The following IRF9 variants were observed in gnomAD, a reference collection of about 807,000 sequenced individuals.
IRF9 encodes the protein interferon regulatory factor 9.
In IRF9, 13 loss-of-function variants were observed where a neutral mutation model predicts 44.1. That is an observed-to-expected ratio of 0.29 (90% confidence interval 0.19 to 0.47). The LOEUF is 0.47. Ranked by LOEUF, IRF9 falls within the 20% of genes least tolerant of loss-of-function variation. IRF9 has a pLI of 1.00. For synonymous variants in IRF9, 189 were observed against 188.5 expected (o/e 1.00, Z -0.02); for missense variants, 373 against 496.1 (o/e 0.75, Z 2.36).
Position 24,164,842 on chromosome 14 carries a change from T to C in IRF9, c.878T>C (p.Leu293Pro). 1 of 1,610,428 alleles carries C rather than the reference T, an allele frequency of 6.2e-7. No individual in the cohort carries two copies. ...CCCCGAGGCCTCTTCGTGCAGCGCC[T>C]TTGCCCCATCCCCATCTCCTGGAAT... The part of the protein sequence containing the change: ...SNPRGLFVQR[L>P]CPIPISWNAP... Residue 293 changes from leucine (L) to proline (P), a missense_variant, in exon 7 of 9, where the codon CTT becomes CCT. This residue lies in a region of IRF9 where 146 missense variants were observed against 240.8 expected (regional missense o/e 0.61). Transcript: ENST00000396864. This position sits in a 1 kb window ranked among gnomAD's most constrained non-coding sequence, Gnocchi z 5.2.
chr14:24,162,082 C>G (rs2038463865), intron 1 of IRF9, 62 bp from the exon 2 acceptor site: 3 of 1,513,428 alleles, frequency 2.0e-6, no homozygotes, highest in Non-Finnish European at 2.7e-6. Context: ...TGGCCAGGGT[C>G]TCAGGAGATG....
chr14:24,165,994 T>A (rs1330231214), intron 8 of IRF9, 32 bp downstream of exon 8: 12 of 1,595,222 alleles, frequency 7.5e-6, no homozygotes, highest in Non-Finnish European at 9.5e-6. Context: ...AGTACCCATC[T>A]AATGAGAGCA....
At chr14:24,161,448 G>A (rs1258037819) in intron 1 of IRF9, 110 bp downstream of exon 1, 1 of 152,578 alleles carries the variant, frequency 6.6e-6, no homozygotes, top group African/African-American at 2.4e-5. Context: ...GGGATAGACA[G>A]AAGATCTCTT....
intron 2 of IRF9, 186 bp downstream of exon 2, chr14:24,162,510 T>C (rs922821178): frequency 1.6e-6 from 1 of 625,968 alleles, no homozygotes; most frequent in African/African-American, 1.9e-5. Context: ...TCAAAAATTT[T>C]AGGGATATTG....
In IRF9 at chr14:24,161,342, A is replaced by T. The variant is rs1189296855; in HGVS notation, c.-2+4A>T. On this transcript the variant is annotated splice_donor_region_variant and intron_variant, in intron 1 of 8. Transcript: ENST00000396864. Reference sequence around the variant, plus strand: ...GACAGCCTGGACAGCAACTCAGGTAAGATCAGCCAAGGATGGGAGTCAGCC... The same window carrying T: ...GACAGCCTGGACAGCAACTCAGGTATGATCAGCCAAGGATGGGAGTCAGCC... The T allele has an allele frequency of 6.6e-6, 1 of 152,372 alleles. No individual in the cohort carries two copies. The highest frequency in any genetic ancestry group is 6.5e-5 in the Admixed American group (1 of 15,280). 9.4% of individuals were successfully genotyped at this position (152,372 alleles called of 1,614,324 possible). A position where few individuals can be genotyped will look rare whatever the true frequency, so the allele number is the denominator to read the frequency against.
rs201638725 is a variant in IRF9 at position 24,162,296 on chromosome 14, G to T, written c.152G>T (p.Arg51Leu). ...AAACATGCAGGCAAGCAGGACTTCCGGGAGGACCAGGATGCTGCCTTCTTC... is the reference window on the plus strand; with the variant it reads ...AAACATGCAGGCAAGCAGGACTTCCTGGAGGACCAGGATGCTGCCTTCTTC... ...PWKHAGKQDF[R>L]EDQDAAFFKA... The change falls in exon 2 of 9, where the codon CGG becomes CTG. Residue 51 changes from arginine to leucine, a missense_variant. Coordinates refer to ENST00000396864, the MANE Select transcript of IRF9 (RefSeq NM_006084.5). The T allele has an allele frequency of 1.2e-6, 2 of 1,613,944 alleles. No homozygotes were observed. Among genetic ancestry groups the T allele is most frequent in the African/African-American group, 2.7e-5 (2 of 74,900 alleles).
At position 24,166,380 on chromosome 14, in the gene IRF9, CT is replaced by C. The variant is rs111232493; in HGVS notation, c.*196del. ...GAGAACTCAAGGCTAATTTTTTATC[CT>C]TTTTTTTTTTTAATTTTGAGATATA... On this transcript the variant is annotated 3_prime_UTR_variant, in exon 9 of 9. Transcript: ENST00000396864. 0.052 allele frequency: 25,975 copies of C among 500,888 alleles called. No homozygotes were observed. The highest frequency in any genetic ancestry group is 0.071 in the Middle Eastern group (196 of 2,778). The allele number at this position is 500,888 out of a possible 1,614,324, so 31.0% of individuals were successfully genotyped here.
intron 7 of IRF9, chr14:24,165,323 G>C: frequency 1.5e-6 from 1 of 650,640 alleles, no homozygotes. Flanking sequence ...ACATTTGGGA[G>C]AGCTGGCACA....
Position 24,162,343 on chromosome 14 carries a change from C to T in IRF9, c.180+19C>T. 1 of 1,609,332 alleles carries T rather than the reference C, an allele frequency of 6.2e-7. No individual in the cohort carries two copies. The highest frequency in any genetic ancestry group is 8.5e-7 in the Non-Finnish European group (1 of 1,177,162). On this transcript the variant is annotated intron_variant, in intron 2 of 8. Transcript: ENST00000396864. ...CTTCAAGGTGAAAGGGCCTGGAAAC[C>T]ACTGTTCCTCTGTGTGTGGGATGGT...
At chr14:24,162,455 A>G in intron 2 of IRF9, 131 bp downstream of exon 2, 1 of 910,804 alleles carries the variant, frequency 1.1e-6, no homozygotes, top group Non-Finnish European at 1.7e-6. Context: ...AACTAGCTGC[A>G]TCATTTGCAG....
Position 24,166,380 on chromosome 14 carries a change from C to CT in IRF9, c.*196dup, listed in dbSNP as rs111232493. On this transcript the variant is annotated 3_prime_UTR_variant, in exon 9 of 9. Coordinates refer to ENST00000396864, the MANE Select transcript of IRF9 (RefSeq NM_006084.5). ...GAGAACTCAAGGCTAATTTTTTATCCTTTTTTTTTTTTAATTTTGAGATAT... is the reference window on the plus strand; with the variant it reads ...GAGAACTCAAGGCTAATTTTTTATCCTTTTTTTTTTTTTAATTTTGAGATAT... 205,541 of 534,406 alleles carry CT rather than the reference C, an allele frequency of 0.38. 18,018 individuals are homozygous for CT. The highest frequency in any genetic ancestry group is 0.54 in the African/African-American group (27,414 of 50,924). The allele number at this position is 534,406 out of a possible 1,614,324, so 33.1% of individuals were successfully genotyped here. A position where few individuals can be genotyped will look rare whatever the true frequency, so the allele number is the denominator to read the frequency against.
Position 24,164,543 on chromosome 14 carries a change from G to A in IRF9, c.650-71G>A. ...TGGTGTGGGGAGGGGAGGTGGAGTT[G>A]TTCCCCTGGGGAGGGGCTGCTGCCA... On this transcript the variant is annotated intron_variant, in intron 6 of 8. Transcript: ENST00000396864. This position sits in a 1 kb window ranked among gnomAD's most constrained non-coding sequence, Gnocchi z 5.2. 7.0e-7 allele frequency: 1 copy of A among 1,436,028 alleles called. No homozygotes were observed. Among genetic ancestry groups the A allele is most frequent in the Non-Finnish European group, 9.5e-7 (1 of 1,057,310 alleles). The allele number at this position is 1,436,028 out of a possible 1,614,324, so 89.0% of individuals were successfully genotyped here.
rs943150166 is a variant in IRF9 at position 24,162,181 on chromosome 14, C to T, written c.37C>T (p.Arg13Trp). Residue 13 changes from arginine to tryptophan, a missense_variant, in exon 2 of 9, where the codon CGG becomes TGG. By Grantham distance (101) the Arg-to-Trp change is moderately radical. Coordinates refer to ENST00000396864, the MANE Select transcript of IRF9 (RefSeq NM_006084.5). ...SGRARCTRKL[R>W]NWVVEQVESG... Reference sequence around the variant, plus strand: ...CAGGGCACGCTGCACCCGAAAACTCCGGAACTGGGTGGTGGAGCAAGTGGA... The same window carrying T: ...CAGGGCACGCTGCACCCGAAAACTCTGGAACTGGGTGGTGGAGCAAGTGGA... The T allele has an allele frequency of 4.3e-6, 7 of 1,614,088 alleles. No homozygotes were observed. Among genetic ancestry groups the T allele is most frequent in the South Asian group, 1.1e-5 (1 of 91,066 alleles).
At chr14:24,163,852 A>G in intron 4 of IRF9, 26 bp from the exon 5 acceptor site, 1 of 1,582,214 alleles carries the variant, frequency 6.3e-7, no homozygotes, top group East Asian at 2.2e-5. Flanking sequence ...AAAGAGAAAA[A>G]AAATAAAAAG....
Position 24,164,901 on chromosome 14 carries a change from C to T in IRF9, c.937C>T (p.Leu313=). 6.2e-7 allele frequency: 1 copy of T among 1,612,760 alleles called. No homozygotes were observed. Among genetic ancestry groups the T allele is most frequent in the Non-Finnish European group, 8.5e-7 (1 of 1,179,940 alleles). ...GGCTCCACCTGGGCCAGGCCCGCAT[C>T]TGCTGCCCAGCAACGAGTGCGTGGA... ...PQAPPGPGPH[L]LPSNECVELF... The change falls in exon 7 of 9, where the codon CTG becomes TTG. Residue 313 remains leucine, a synonymous_variant. Coordinates refer to ENST00000396864, the MANE Select transcript of IRF9 (RefSeq NM_006084.5). The surrounding 1 kb of genome is among the most constrained non-coding windows in gnomAD (Gnocchi z 5.2).
Position 24,162,305 on chromosome 14 carries a change from A to G in IRF9, c.161A>G (p.Gln54Arg). 6.2e-7 allele frequency: 1 copy of G among 1,614,038 alleles called. No homozygotes were observed. The highest frequency in any genetic ancestry group is 8.5e-7 in the Non-Finnish European group (1 of 1,179,938). ...GGCAAGCAGGACTTCCGGGAGGACCAGGATGCTGCCTTCTTCAAGGTGAAA... is the reference window on the plus strand; with the variant it reads ...GGCAAGCAGGACTTCCGGGAGGACCGGGATGCTGCCTTCTTCAAGGTGAAA... ...HAGKQDFRED[Q>R]DAAFFKAWAI... The change falls in exon 2 of 9, where the codon CAG (glutamine) becomes CGG (arginine). Residue 54 changes from glutamine (Q) to arginine (R), a missense_variant. Physicochemically the swap from Gln to Arg is conservative, Grantham distance 43. Transcript: ENST00000396864.
At position 24,162,960 on chromosome 14, in the gene IRF9, T is replaced by C. The variant is rs775280608; in HGVS notation, c.181-6T>C. On this transcript the variant is annotated splice_polypyrimidine_tract_variant and splice_region_variant and intron_variant, in intron 2 of 8. Transcript: ENST00000396864. ...CTGCCTCTTCTTCCCTTGCTTTCTT[T>C]CCTAGGCCTGGGCAATATTTAAGGG... The C allele has an allele frequency of 4.6e-5, 74 of 1,612,750 alleles. No individual in the cohort carries two copies. In the Admixed American group the frequency reaches 1.2e-3, roughly 27 times the overall value.
Position 24,165,977 on chromosome 14 carries a change from G to T in IRF9, c.1107+15G>T. On this transcript the variant is annotated intron_variant, in intron 8 of 8. Coordinates refer to ENST00000396864, the MANE Select transcript of IRF9 (RefSeq NM_006084.5). ...TCACAGTGAAGGTGAGCTCGGAGCA[G>T]GGGTAGAGTACCCATCTAATGAGAG... The T allele has an allele frequency of 6.2e-7, 1 of 1,606,730 alleles. No individual in the cohort carries two copies. Among genetic ancestry groups the T allele is most frequent in the Non-Finnish European group, 8.5e-7 (1 of 1,173,568 alleles).
intron 7 of IRF9, 128 bp from the exon 8 acceptor site, chr14:24,165,719 C>G: frequency 3.2e-6 from 2 of 632,426 alleles, no homozygotes; most frequent in Non-Finnish European, 5.5e-6. Context: ...TACTTCTGAC[C>G]TTGCAGCTCC....
Sources: gnomAD v4.1 joint callset for allele counts on GRCh38, gnomAD v4.1.1 for gene constraint, gnomAD v4.1.1 regional missense constraint, Gnocchi (gnomAD v3.1) non-coding constraint, MANE v1.5 for transcripts, NCBI Gene and HGNC (gene_info 2026-07-23, HGNC 2026-07-21) for gene names.